Variants in SGPP2 observed in about 807,000 individuals in gnomAD.
SGPP2 encodes the protein sphingosine 1-phosphate phosphohydrolase 2.
A neutral mutation model predicts 33.9 loss-of-function variants in SGPP2; 30 were observed. The observed-to-expected ratio is 0.89, with a 90% CI of 0.66 to 1.20. The LOEUF (loss-of-function observed/expected upper bound fraction) is 1.20, where lower values mean the gene tolerates loss of function less well. Ranked by LOEUF, SGPP2 falls within the 50% of genes most tolerant of loss-of-function variation. The pLI is 0.00. For missense variants in SGPP2, 458 were observed against 532.1 expected (o/e 0.86, Z 1.37); for synonymous variants, 233 against 225.0 (o/e 1.04, Z -0.32).
rs34005867 is a variant in SGPP2, at chr2:222,466,253, CTT to C, written c.220-8292_220-8291del. On this transcript the variant is annotated intron_variant, in intron 1 of 4. Transcript: ENST00000321276. Reference sequence around the variant, plus strand: ...TTTGGAAAAACTTTGCTGTTTTCAACTTTTTTTTTTTTTTTTTTTTTTTTAGA... The same window carrying C: ...TTTGGAAAAACTTTGCTGTTTTCAACTTTTTTTTTTTTTTTTTTTTTTAGA... Among the ~76,000 whole-genome samples, 15 of 104,708 alleles carry C rather than the reference CTT, an allele frequency of 1.4e-4. No homozygotes were observed. The South Asian group carries it at 1.7e-3, about 12-fold the overall frequency. The allele number at this position is 104,708 out of a possible 152,430, so 68.7% of individuals were successfully genotyped here.
chr2:222,442,723 A>ATG (rs1392240707), intron 1 of SGPP2, among the ~76,000 whole-genome samples: 1 of 152,180 alleles, frequency 6.6e-6, no homozygotes, highest in Non-Finnish European at 1.5e-5. Flanking sequence ...TCTTTTTGCA[A>ATG]TGTGTTTCTG....
intron 1 of SGPP2, among the ~76,000 whole-genome samples, chr2:222,466,253 CT>C (rs34005867): frequency 0.023 from 2,451 of 104,656 alleles, 25 homozygotes; most frequent in African/African-American, 0.042. Context: ...CTGTTTTCAA[CT>C]TTTTTTTTTT....
At chr2:222,459,335 C>A (rs943185315) in intron 1 of SGPP2, among the ~76,000 whole-genome samples, 8 of 151,606 alleles carry the variant, frequency 5.3e-5, no homozygotes, top group African/African-American at 1.9e-4. Flanking sequence ...TTTGTAGGGA[C>A]AACAGGGTTT....
At chr2:222,441,669 A>G (rs1475816349) in intron 1 of SGPP2, among the ~76,000 whole-genome samples, 2 of 152,148 alleles carry the variant, frequency 1.3e-5, no homozygotes, top group African/African-American at 4.8e-5. Context: ...TATACTCTGC[A>G]TTGTTTACAA....
chr2:222,512,752 T>G (rs1698548444), intron 2 of SGPP2, among the ~76,000 whole-genome samples: 1 of 152,220 alleles, frequency 6.6e-6, no homozygotes, highest in Admixed American at 6.5e-5. Context: ...GCAGACAGGC[T>G]TCTTTCACTT....
At chr2:222,461,056 G>T (rs79947961) in intron 1 of SGPP2, among the ~76,000 whole-genome samples, 4,477 of 152,232 alleles carry the variant, frequency 0.029, 95 homozygotes, top group South Asian at 0.083. Flanking sequence ...ACATTCGGCT[G>T]TTTTTCGAAT....
intron 1 of SGPP2, among the ~76,000 whole-genome samples, chr2:222,462,249 C>T (rs1697673337): frequency 6.6e-6 from 1 of 152,050 alleles, no homozygotes; most frequent in Non-Finnish European, 1.5e-5. Context: ...AAGGAATGAG[C>T]AGGGTAGAAA....
intron 1 of SGPP2, among the ~76,000 whole-genome samples, chr2:222,451,920 A>G (rs930829095): frequency 2.6e-5 from 4 of 152,160 alleles, no homozygotes; most frequent in Non-Finnish European, 4.4e-5. Flanking sequence ...CACTGTCTAA[A>G]TGCTTCTCAT....
chr2:222,503,774 C>T (rs1698401589), intron 2 of SGPP2: 2 of 152,132 alleles, frequency 1.3e-5, no homozygotes, highest in South Asian at 4.2e-4. Context: ...AAGGAAGGTT[C>T]TCAATGTGTT....
rs895732633 is a variant in SGPP2, at chr2:222,452,556, C to T, written c.220-22012C>T. On this transcript the variant is annotated intron_variant, in intron 1 of 4. Transcript: ENST00000321276. Reference sequence around the variant, plus strand: ...AGGAGAATTTGGCTGGAACTACATGCAGGACTGTAGAGATTCCTCTCCACA... The same window carrying T: ...AGGAGAATTTGGCTGGAACTACATGTAGGACTGTAGAGATTCCTCTCCACA... The T allele has an allele frequency of 4.3e-6, 5 of 1,152,500 alleles. No individual in the cohort carries two copies. The African/African-American group carries it at 4.5e-5, about 10-fold the overall frequency. 71.4% of individuals were successfully genotyped at this position (1,152,500 alleles called of 1,614,324 possible).
At chr2:222,467,170 T>C (rs114415018) in intron 1 of SGPP2, among the ~76,000 whole-genome samples, 2,490 of 152,218 alleles carry the variant, frequency 0.016, 69 homozygotes, top group African/African-American at 0.057. Flanking sequence ...CATGGCAACG[T>C]CAACATCACC....
intron 4 of SGPP2, among the ~76,000 whole-genome samples, chr2:222,558,018 A>G (rs964379719): frequency 2.0e-5 from 3 of 152,214 alleles, no homozygotes; most frequent in Non-Finnish European, 4.4e-5. Context: ...AGTATTTGTG[A>G]TATAAGTGTC....
intron 2 of SGPP2, among the ~76,000 whole-genome samples, chr2:222,507,864 A>G (rs748533913): frequency 3.9e-5 from 6 of 152,234 alleles, no homozygotes; most frequent in African/African-American, 7.2e-5. Flanking sequence ...TAACAGTTAC[A>G]TAATTTATTT....
intron 2 of SGPP2, among the ~76,000 whole-genome samples, chr2:222,515,432 G>A (rs13019060): frequency 0.31 from 46,871 of 151,886 alleles, 7,883 homozygotes; most frequent in Middle Eastern, 0.49. Flanking sequence ...GGGTTCAAGC[G>A]ATTCTGCTGC....
intron 1 of SGPP2, among the ~76,000 whole-genome samples, chr2:222,461,826 C>T (rs1215630118): frequency 6.6e-6 from 1 of 152,104 alleles, no homozygotes; most frequent in African/African-American, 2.4e-5. Flanking sequence ...AGTCCATGGC[C>T]CAGGGGTTGG....
At chr2:222,457,393 A>G (rs1227986612) in intron 1 of SGPP2, among the ~76,000 whole-genome samples, 1 of 152,196 alleles carries the variant, frequency 6.6e-6, no homozygotes, top group Non-Finnish European at 1.5e-5. Context: ...AAAATATGGC[A>G]TGTTCCATAG....
intron 1 of SGPP2, among the ~76,000 whole-genome samples, chr2:222,471,050 A>G (rs140425644): frequency 0.016 from 2,367 of 152,272 alleles, 29 homozygotes; most frequent in Non-Finnish European, 0.025. Context: ...TCATTTGTGC[A>G]TTATTGTCAT....
chr2:222,492,079 C>T (rs956551815), intron 2 of SGPP2, among the ~76,000 whole-genome samples: 3 of 152,180 alleles, frequency 2.0e-5, no homozygotes, highest in African/African-American at 4.8e-5. Flanking sequence ...GCAGCTCCTT[C>T]GTATGCTGGC....
At chr2:222,509,818 A>C (rs963181205) in intron 2 of SGPP2, among the ~76,000 whole-genome samples, 21 of 152,192 alleles carry the variant, frequency 1.4e-4, no homozygotes, top group African/African-American at 5.1e-4. Flanking sequence ...CAGCATATTC[A>C]CAGAGTTGTG....
Sources: allele counts gnomAD v4.1 joint callset (sites outside exome capture counted in the v4.1 genomes callset), GRCh38; gene constraint gnomAD v4.1.1; transcripts MANE v1.5; gene names NCBI Gene and HGNC (gene_info 2026-07-23, HGNC 2026-07-21).